Variants in FSTL1 observed in about 807,000 individuals in gnomAD.
FSTL1 encodes the protein follistatin like 1, also known as follistatin-related protein 1.
In FSTL1, 24 loss-of-function variants were observed where a neutral mutation model predicts 45.9. That is an observed-to-expected ratio of 0.52 (90% CI 0.38 to 0.74). The LOEUF is 0.74. Ranked by LOEUF, FSTL1 falls within the 30% of genes least tolerant of loss-of-function variation. The probability of loss-of-function intolerance (pLI) is 0.00; values close to 1 mark genes in which losing one functional copy is unlikely to be tolerated. For synonymous variants in FSTL1, 120 were observed against 137.6 expected (o/e 0.87, Z 0.89); for missense variants, 340 against 381.8 (o/e 0.89, Z 0.91).
chr3:120,416,083 T>C, intron 2 of FSTL1, 56 bp from the exon 3 acceptor site: 1 of 1,211,820 alleles, frequency 8.3e-7, no homozygotes, highest in Non-Finnish European at 1.2e-6. Flanking sequence ...CATTATGGAA[T>C]GAGCCCATAA....
chr3:120,431,657 T>G (rs138758974), intron 2 of FSTL1, among the ~76,000 whole-genome samples: 120 of 151,996 alleles, frequency 7.9e-4, no homozygotes, highest in Non-Finnish European at 1.2e-3. Context: ...ATCCTGTCTC[T>G]TAAAAAAAAA....
At chr3:120,432,109 G>A (rs549670182) in intron 2 of FSTL1, among the ~76,000 whole-genome samples, 1 of 151,974 alleles carries the variant, frequency 6.6e-6, no homozygotes, top group South Asian at 2.1e-4. Context: ...GCTTTTTTGG[G>A]GGCATACAAA....
intron 2 of FSTL1, chr3:120,423,064 A>C (rs577122897): frequency 6.6e-6 from 1 of 152,216 alleles, no homozygotes; most frequent in Non-Finnish European, 1.5e-5. Flanking sequence ...TATGGGATAT[A>C]ACATGTTCCT....
intron 2 of FSTL1, chr3:120,438,144 CATT>C (rs1937590360): frequency 6.6e-6 from 1 of 152,166 alleles, no homozygotes; most frequent in South Asian, 2.1e-4. Flanking sequence ...AATACTGCAT[CATT>C]ATTTTTAAAA....
intron 2 of FSTL1, among the ~76,000 whole-genome samples, chr3:120,436,127 A>G (rs112717546): frequency 4.1e-5 from 1 of 24,256 alleles, no homozygotes; most frequent in African/African-American, 5.8e-5. Flanking sequence ...ATGGTTTCTT[A>G]TTATCTAGCT....
intron 7 of FSTL1, among the ~76,000 whole-genome samples, chr3:120,403,956 C>CAAA (rs1263684875): frequency 1.9e-5 from 1 of 51,450 alleles, no homozygotes; most frequent in Admixed American, 1.7e-4. Flanking sequence ...AAAAACAAAA[C>CAAA]AAAACAAAAA....
chr3:120,403,341 C>T lies in FSTL1; in HGVS notation c.595G>A (p.Asp199Asn). ...TCATCAGACAGTTCAATGAGAGCATCAACACAGAGTCCCCTGAAACAAAAC... is the reference window on the plus strand; with the variant it reads ...TCATCAGACAGTTCAATGAGAGCATTAACACAGAGTCCCCTGAAACAAAAC... Reference protein sequence around the residue: ...NNKLLRGLCVDALIELSDENA... With the variant: ...NNKLLRGLCVNALIELSDENA... The change falls in exon 8 of 11, where the codon GAT becomes AAT. Residue 199 changes from aspartate (D) to asparagine (N), a missense_variant. Coordinates refer to ENST00000295633, the MANE Select transcript of FSTL1 (RefSeq NM_007085.5). 1.3e-6 allele frequency: 2 copies of T among 1,598,572 alleles called. No individual in the cohort carries two copies. Among genetic ancestry groups the T allele is most frequent in the Non-Finnish European group, 1.7e-6 (2 of 1,165,818 alleles).
At position 120,395,449 on chromosome 3, in the gene FSTL1, T is replaced by C. The variant is rs78058473; in HGVS notation, c.*1503A>G. ...CCCTGTTGAATCTGAAACTTTCTTT[T>C]ATCCTCATCTCTAAGGGAATGCTTT... On this transcript the variant is annotated 3_prime_UTR_variant, in exon 11 of 11. Coordinates refer to ENST00000295633, the MANE Select transcript of FSTL1 (RefSeq NM_007085.5). The C allele has an allele frequency of 2.0e-5, 7 of 352,824 alleles. No homozygotes were observed. The East Asian group carries it at 5.7e-4, about 29-fold the overall frequency. The allele number at this position is 352,824 out of a possible 1,614,324, so 21.9% of individuals were successfully genotyped here.
At chr3:120,398,431 C>T (rs902133943) in intron 10 of FSTL1, among the ~76,000 whole-genome samples, 3 of 152,164 alleles carry the variant, frequency 2.0e-5, no homozygotes, top group African/African-American at 7.2e-5. Flanking sequence ...TGTCCACACA[C>T]ACTGATAGGC....
intron 3 of FSTL1, among the ~76,000 whole-genome samples, chr3:120,413,799 C>CT (rs1559737452): frequency 0.027 from 9 of 328 alleles, 2 homozygotes; most frequent in Non-Finnish European, 0.043. Context: ...CTCCCCCTCC[C>CT]CCTCCCTCTC....
chr3:120,414,939 A>G (rs1037751733), intron 3 of FSTL1, among the ~76,000 whole-genome samples: 13 of 150,960 alleles, frequency 8.6e-5, no homozygotes, highest in Non-Finnish European at 1.8e-4. Context: ...CTATTGTCCT[A>G]TGACCCTGCC....
rs1936631422 is a variant in FSTL1 at position 120,393,551 on chromosome 3, T to G, written c.*3401A>C. On this transcript the variant is annotated 3_prime_UTR_variant, in exon 11 of 11. Coordinates refer to ENST00000295633, the MANE Select transcript of FSTL1 (RefSeq NM_007085.5). ...ATGATTCCATGTTCCCTGTACTACCTTCCCATGTTTATTTGCCTTCTCACA... is the reference window on the plus strand; with the variant it reads ...ATGATTCCATGTTCCCTGTACTACCGTCCCATGTTTATTTGCCTTCTCACA... The G allele has an allele frequency of 2.6e-5, 4 of 152,212 alleles. 1 individual carries two copies. In the South Asian group the frequency reaches 8.3e-4, roughly 32 times the overall value. The allele number at this position is 152,212 out of a possible 1,614,324, so 9.4% of individuals were successfully genotyped here.
intron 2 of FSTL1, among the ~76,000 whole-genome samples, chr3:120,431,222 C>T (rs1164971617): frequency 1.3e-5 from 2 of 152,170 alleles, no homozygotes; most frequent in East Asian, 3.9e-4. Flanking sequence ...TCCACCACCT[C>T]GGTCTCCCAA....
intron 2 of FSTL1, among the ~76,000 whole-genome samples, chr3:120,439,728 C>A (rs1461566913): frequency 1.3e-4 from 20 of 152,198 alleles, no homozygotes; most frequent in Admixed American, 5.2e-4. Flanking sequence ...TACCTAGCAA[C>A]TCTGCTGGCG....
At chr3:120,416,097 G>T in intron 2 of FSTL1, 70 bp from the exon 3 acceptor site, 2 of 1,119,918 alleles carry the variant, frequency 1.8e-6, no homozygotes, top group Non-Finnish European at 1.4e-6. Flanking sequence ...CCCATAATGA[G>T]ATTATCTTTC....
At chr3:120,419,158 C>T (rs1324740470) in intron 2 of FSTL1, 2 of 152,280 alleles carry the variant, frequency 1.3e-5, no homozygotes, top group Non-Finnish European at 2.9e-5. Context: ...TGCAGCTCCA[C>T]CCAGCTCTGT....
chr3:120,404,864 G>C lies in FSTL1; in HGVS notation c.570C>G (p.Asn190Lys). The change falls in exon 7 of 11, where the codon AAC becomes AAG. Residue 190 changes from asparagine to lysine, a missense_variant. Physicochemically the swap from Asn to Lys is moderately conservative, Grantham distance 94 (BLOSUM62 0). Transcript: ENST00000295633. ...NITTYPDQEN[N>K]KLLRGLCVDA... ...TCGGTTCCTCTCACCTAAGCAACTT[G>C]TTGTTCTCCTGGTCTGGATACGTTG... 6.5e-7 allele frequency: 1 copy of C among 1,535,318 alleles called. No homozygotes were observed. Among genetic ancestry groups the C allele is most frequent in the Non-Finnish European group, 9.0e-7 (1 of 1,107,912 alleles).
At position 120,425,366 on chromosome 3, in the gene FSTL1, A is replaced by G. The variant is rs938374848; in HGVS notation, c.64-9339T>C. Among the ~76,000 whole-genome samples the G allele has an allele frequency of 2.3e-4, 7 of 29,896 alleles. No individual in the cohort carries two copies. In the Admixed American group the frequency reaches 3.3e-3, roughly 14 times the overall value. 19.6% of individuals were successfully genotyped at this position (29,896 alleles called of 152,430 possible). On this transcript the variant is annotated intron_variant, in intron 2 of 10. Transcript: ENST00000295633. ...GGCAAATGTCGGGATAAAACAGCCA[A>G]AAAAAAAAAAAAGCTTTTAAACTTC... is the stretch of plus-strand genomic sequence containing the variant.
chr3:120,448,828 G>A (rs993316531), intron 2 of FSTL1, among the ~76,000 whole-genome samples: 1 of 152,168 alleles, frequency 6.6e-6, no homozygotes, highest in Admixed American at 6.5e-5. Context: ...GTGTCTTGCA[G>A]GCCGCCTAGA....
Sources: gnomAD v4.1 joint callset for allele counts (sites outside exome capture counted in the v4.1 genomes callset) on GRCh38, gnomAD v4.1.1 for gene constraint, MANE v1.5 for transcripts, NCBI Gene and HGNC (gene_info 2026-07-23, HGNC 2026-07-21) for gene names.